DOCK4: variants seen among roughly 807,000 people sequenced by gnomAD.
DOCK4 encodes dedicator of cytokinesis protein 4.
DOCK4 carries 97 observed loss-of-function variants against 268.1 expected under a neutral mutation model. The ratio of observed to expected loss-of-function variants is 0.36; its 90% CI spans 0.31 to 0.43. DOCK4 has a LOEUF of 0.43. Among genes scored for constraint, DOCK4 ranks in the 20% least tolerant of loss-of-function variants. The pLI is 1.00. For missense variants in DOCK4, 2,145 were observed against 2,455.7 expected (o/e 0.87, Z 2.67); for synonymous variants, 954 against 887.2 (o/e 1.08, Z -1.34).
At chr7:111,963,527 T>G in intron 8 of DOCK4, among the ~76,000 whole-genome samples, 1 of 57,578 alleles carries the variant, frequency 1.7e-5, no homozygotes, top group African/African-American at 1.1e-4. Context: ...ACCACGAGAC[T>G]ATATCCCACA....
chr7:111,777,919 T>C (rs546837073), intron 36 of DOCK4, among the ~76,000 whole-genome samples: 7 of 152,332 alleles, frequency 4.6e-5, no homozygotes, highest in Admixed American at 4.6e-4. Context: ...CCTCTTTTTC[T>C]TTATAAATTA....
At chr7:112,044,743 T>C (rs74881119) in intron 1 of DOCK4, among the ~76,000 whole-genome samples, 5,282 of 152,200 alleles carry the variant, frequency 0.035, 301 homozygotes, top group African/African-American at 0.12. Context: ...CCTTTTTTTT[T>C]CTCATCATAC....
chr7:111,791,466 T>C (rs1799543077), intron 30 of DOCK4, among the ~76,000 whole-genome samples: 1 of 151,892 alleles, frequency 6.6e-6, no homozygotes, highest in Non-Finnish European at 1.5e-5. Context: ...TGTTTTTTTT[T>C]TGACATGGAG....
intron 1 of DOCK4, among the ~76,000 whole-genome samples, chr7:112,135,207 A>C (rs1814210480): frequency 6.6e-6 from 1 of 152,166 alleles, no homozygotes. Context: ...TTTTCAAGTA[A>C]ATATGATTAA....
rs1794780801 is a variant in DOCK4 at position 111,728,295 on chromosome 7, G to A, written c.5907C>T (p.Pro1969=). The change falls in exon 53 of 53, where the codon CCC becomes CCT. Residue 1969 remains proline, a synonymous_variant. Coordinates refer to ENST00000428084, the MANE Select transcript of DOCK4 (RefSeq NM_001363540.2). The stretch of plus-strand genomic sequence containing the variant: ...TGACTTATAACTGAGAGACCTTGCG[G>A]GGCAGGGGCCTGGGCCGCGGGCCGG... ...TDPGPRPRPL[P]RKVSQL The A allele has an allele frequency of 3.3e-6, 5 of 1,503,488 alleles. No individual in the cohort carries two copies. Among genetic ancestry groups the A allele is most frequent in the Non-Finnish European group, 4.4e-6 (5 of 1,126,566 alleles). 93.1% of individuals were successfully genotyped at this position (1,503,488 alleles called of 1,614,324 possible). A position where few individuals can be genotyped will look rare whatever the true frequency, so the allele number is the denominator to read the frequency against.
At chr7:111,908,796 C>T (rs1194764558) in intron 13 of DOCK4, among the ~76,000 whole-genome samples, 2 of 151,694 alleles carry the variant, frequency 1.3e-5, no homozygotes, top group African/African-American at 2.4e-5. Context: ...AGAGTTAGTT[C>T]CTGTGTTAGT....
At chr7:111,875,682 G>T (rs1296815487) in intron 17 of DOCK4, among the ~76,000 whole-genome samples, 1 of 152,196 alleles carries the variant, frequency 6.6e-6, no homozygotes, top group Non-Finnish European at 1.5e-5. Flanking sequence ...GGAGGAAGGG[G>T]CCATAGGCCA....
intron 8 of DOCK4, among the ~76,000 whole-genome samples, chr7:111,950,232 T>C (rs142209369): frequency 3.9e-4 from 59 of 152,350 alleles, no homozygotes; most frequent in African/African-American, 1.4e-3. Flanking sequence ...TGGCCAATAA[T>C]ATTGCATTCT....
chr7:112,113,734 A>ATT (rs57672966), intron 1 of DOCK4, among the ~76,000 whole-genome samples: 7 of 49,548 alleles, frequency 1.4e-4, no homozygotes, highest in Admixed American at 3.5e-4. Context: ...TACTTGGCTG[A>ATT]TTTTTTTTTT....
chr7:112,090,920 T>C (rs935829874), intron 1 of DOCK4, among the ~76,000 whole-genome samples: 2 of 152,194 alleles, frequency 1.3e-5, no homozygotes, highest in African/African-American at 4.8e-5. Context: ...CCAGATTTTC[T>C]GTCTCCAGAT....
intron 39 of DOCK4, among the ~76,000 whole-genome samples, chr7:111,761,065 T>C (rs2133596413): frequency 1.2e-5 from 1 of 81,426 alleles, no homozygotes; most frequent in East Asian, 2.0e-4. Flanking sequence ...TTAAAGTCTT[T>C]TTTTTTTTTT....
chr7:111,784,313 A>C lies in DOCK4; in HGVS notation c.3402-190T>G, dbSNP rs541448608. 25 of 734,274 alleles carry C rather than the reference A, an allele frequency of 3.4e-5. No individual in the cohort carries two copies. In the African/African-American group the frequency reaches 3.6e-4, roughly 11 times the overall value. 45.5% of individuals were successfully genotyped at this position (734,274 alleles called of 1,614,324 possible). A position where few individuals can be genotyped will look rare whatever the true frequency, so the allele number is the denominator to read the frequency against. On this transcript the variant is annotated intron_variant, in intron 32 of 52. Transcript: ENST00000428084. ...CACATCAAATAACACTGCAAAAAGC[A>C]AAAACAGGAGTGCCTCCAAGTTTAC... is the stretch of plus-strand genomic sequence containing the variant.
At chr7:111,955,229 T>C (rs1251297862) in intron 8 of DOCK4, among the ~76,000 whole-genome samples, 1 of 152,234 alleles carries the variant, frequency 6.6e-6, no homozygotes, top group East Asian at 1.9e-4. Flanking sequence ...TTAATGTGCT[T>C]TCTAATTTTA....
At chr7:111,786,976 CA>C (rs1199026554) in intron 32 of DOCK4, among the ~76,000 whole-genome samples, 1 of 151,960 alleles carries the variant, frequency 6.6e-6, no homozygotes, top group Non-Finnish European at 1.5e-5. Context: ...TAAAAATCAA[CA>C]AAAGTATAAA....
intron 12 of DOCK4, 155 bp downstream of exon 12, chr7:111,935,385 G>C: frequency 1.4e-6 from 1 of 711,090 alleles, no homozygotes. Flanking sequence ...TCATAGCATA[G>C]GAAGACATAC....
chr7:111,879,619 A>G (rs1046659855), intron 16 of DOCK4, among the ~76,000 whole-genome samples: 1 of 152,174 alleles, frequency 6.6e-6, no homozygotes, highest in African/African-American at 2.4e-5. Context: ...AGCATTCACC[A>G]CAAGCTCAAA....
intron 13 of DOCK4, among the ~76,000 whole-genome samples, chr7:111,914,695 C>T (rs959777637): frequency 6.6e-6 from 1 of 152,194 alleles, no homozygotes; most frequent in South Asian, 2.1e-4. Context: ...ATCTCCATCT[C>T]TCCACCCACT....
At chr7:111,796,992 C>T (rs2133836987) in intron 30 of DOCK4, among the ~76,000 whole-genome samples, 1 of 152,306 alleles carries the variant, frequency 6.6e-6, no homozygotes, top group African/African-American at 2.4e-5. Flanking sequence ...TCTTCTCCTC[C>T]ACTCTGGGTC....
intron 2 of DOCK4, among the ~76,000 whole-genome samples, chr7:112,001,781 G>A (rs1800445838): frequency 1.3e-5 from 2 of 152,146 alleles, no homozygotes; most frequent in African/African-American, 4.8e-5. Context: ...AGGAAAAAAT[G>A]TAGGATGTAT....
Sources: allele counts gnomAD v4.1 joint callset (sites outside exome capture counted in the v4.1 genomes callset), GRCh38; gene constraint gnomAD v4.1.1; transcripts MANE v1.5; gene names NCBI Gene and HGNC (gene_info 2026-07-23, HGNC 2026-07-21).